Variants in SRRM4 observed in about 807,000 individuals in gnomAD.
SRRM4 encodes serine/arginine repetitive matrix 4, also known as serine/arginine repetitive matrix protein 4.
In SRRM4, 33 loss-of-function variants were observed where a neutral mutation model predicts 68.9. That is an observed-to-expected ratio of 0.48 (90% CI 0.36 to 0.64). The LOEUF (loss-of-function observed/expected upper bound fraction) is 0.64, where lower values mean the gene tolerates loss of function less well. SRRM4 is among the 30% of genes least tolerant of loss of function. The pLI, the probability that SRRM4 is intolerant of heterozygous loss-of-function variation, is 0.00. For synonymous variants in SRRM4, 318 were observed against 318.8 expected, an observed-to-expected ratio of 1.00 and a Z score of 0.03; for missense variants, 817 against 827.1, an observed-to-expected ratio of 0.99 and a Z score of 0.15.
chr12:119,030,243 G>C (rs976521044), intron 1 of SRRM4, among the ~76,000 whole-genome samples: 2 of 152,204 alleles, frequency 1.3e-5, no homozygotes, highest in African/African-American at 4.8e-5. Flanking sequence ...AAAGAACCAA[G>C]GGTATGACAC....
rs138721154 is a variant in SRRM4 at position 119,059,982 on chromosome 12, A to G, written c.132-42254A>G. On this transcript the variant is annotated intron_variant, in intron 1 of 12. Transcript: ENST00000267260. Reference sequence around the variant, plus strand: ...CCAGTTCTCTGCTTCATGTCAATCCAATCTTCTGTATGCTGAGGAACCATG... The same window carrying G: ...CCAGTTCTCTGCTTCATGTCAATCCGATCTTCTGTATGCTGAGGAACCATG... Among the ~76,000 whole-genome samples, 13 of 152,200 alleles carry G rather than the reference A, an allele frequency of 8.5e-5. No homozygotes were observed. In the East Asian group the frequency reaches 2.5e-3, roughly 29 times the overall value.
chr12:119,045,909 GCAC>G (rs1219533040), intron 1 of SRRM4, among the ~76,000 whole-genome samples: 2 of 152,002 alleles, frequency 1.3e-5, no homozygotes, highest in Non-Finnish European at 2.9e-5. Flanking sequence ...GTGGTGGTGT[GCAC>G]CTGTAGTCCC....
intron 1 of SRRM4, among the ~76,000 whole-genome samples, chr12:119,084,797 G>A (rs1179448022): frequency 2.0e-5 from 3 of 152,182 alleles, no homozygotes; most frequent in African/African-American, 7.2e-5. Flanking sequence ...AGTCAGGGGA[G>A]GCTTCCTGAA....
At position 119,161,922 on chromosome 12, in the gene SRRM4, T is replaced by C. The variant is rs1954516645; in HGVS notation, c.*5124T>C. The C allele has an allele frequency of 6.6e-6, 1 of 152,182 alleles. No individual in the cohort carries two copies. Among genetic ancestry groups the C allele is most frequent in the Non-Finnish European group, 1.5e-5 (1 of 67,988 alleles). 9.4% of individuals were successfully genotyped at this position (152,182 alleles called of 1,614,324 possible). ...AAAGAAAAATTGTAAACTCTTTTTT[T>C]TTTCTGGCCAAGGAAAGCTATGCCT... On this transcript the variant is annotated 3_prime_UTR_variant, in exon 13 of 13. Coordinates refer to ENST00000267260, the MANE Select transcript of SRRM4 (RefSeq NM_194286.4).
At chr12:119,122,406 G>T (rs1427549286) in intron 6 of SRRM4, among the ~76,000 whole-genome samples, 1 of 152,104 alleles carries the variant, frequency 6.6e-6, no homozygotes, top group Admixed American at 6.5e-5. Context: ...AATGCACCGG[G>T]TCGTGTGTAT....
At chr12:119,033,662 CA>C (rs34508021) in intron 1 of SRRM4, among the ~76,000 whole-genome samples, 39,207 of 139,514 alleles carry the variant, frequency 0.28, 5,612 homozygotes, top group Middle Eastern at 0.47. Flanking sequence ...GACTCCATCT[CA>C]AAAAAAAAAA....
At chr12:119,114,019 G>T (rs1287080108) in intron 2 of SRRM4, 2 of 291,612 alleles carry the variant, frequency 6.9e-6, no homozygotes, top group African/African-American at 4.2e-5. Flanking sequence ...TTTAGGAGTA[G>T]TTAACCTCTA....
Position 119,154,261 on chromosome 12 carries a change from C to A in SRRM4, c.1410C>A (p.Tyr470Ter). ...CCTTCAGGGAGCGGGATCCCAAATA[C>A]AGTGAGAAGGACTCGCAGCAGCGGG... The part of the protein sequence containing the change: ...YSPSRERDPK[Y>*]SEKDSQQRER... The change falls in exon 12 of 13, where the codon TAC becomes TAA. Residue 470 changes from tyrosine (Y) to a stop codon, truncating the protein, a stop_gained. Transcript: ENST00000267260. LOFTEE classifies it high-confidence loss of function. The surrounding 1 kb of genome is among the most constrained non-coding windows in gnomAD (Gnocchi z 4.7). 6.2e-7 allele frequency: 1 copy of A among 1,608,220 alleles called. No individual in the cohort carries two copies. Among genetic ancestry groups the A allele is most frequent in the Non-Finnish European group, 8.5e-7 (1 of 1,177,314 alleles).
At chr12:119,074,919 C>G (rs1041843417) in intron 1 of SRRM4, among the ~76,000 whole-genome samples, 2 of 152,192 alleles carry the variant, frequency 1.3e-5, no homozygotes, top group African/African-American at 4.8e-5. Flanking sequence ...TGTGCCTCAC[C>G]TTTCTTGGTG....
intron 1 of SRRM4, among the ~76,000 whole-genome samples, chr12:119,079,851 C>T (rs2136030732): frequency 6.6e-6 from 1 of 151,368 alleles, no homozygotes; most frequent in Non-Finnish European, 1.5e-5. Context: ...CCTCTCATTT[C>T]AGATATACAA....
intron 1 of SRRM4, among the ~76,000 whole-genome samples, chr12:119,032,020 T>G (rs1286397890): frequency 3.3e-5 from 5 of 152,242 alleles, no homozygotes; most frequent in Non-Finnish European, 7.3e-5. Flanking sequence ...TTAGATAGAT[T>G]ACTATCTAAA....
chr12:119,141,783 G>A (rs1487187818), intron 8 of SRRM4, among the ~76,000 whole-genome samples: 5 of 152,160 alleles, frequency 3.3e-5, no homozygotes, highest in Admixed American at 6.5e-5. Context: ...TCAGAGAGAC[G>A]GCCAATAAAA....
chr12:119,022,735 G>T (rs1184556969), intron 1 of SRRM4, among the ~76,000 whole-genome samples: 3 of 152,204 alleles, frequency 2.0e-5, no homozygotes, highest in Non-Finnish European at 4.4e-5. Flanking sequence ...GAGGCCCAGA[G>T]AACCTTTATC....
At chr12:119,117,429 C>G (rs1167249760) in intron 4 of SRRM4, among the ~76,000 whole-genome samples, 2 of 152,174 alleles carry the variant, frequency 1.3e-5, no homozygotes, top group Non-Finnish European at 2.9e-5. Flanking sequence ...GTTCCTTATT[C>G]CAAATTCCCA....
intron 1 of SRRM4, among the ~76,000 whole-genome samples, chr12:119,075,431 A>G (rs1404162874): frequency 1.4e-5 from 1 of 71,704 alleles, no homozygotes; most frequent in African/African-American, 6.6e-5. Flanking sequence ...GACAGTAATG[A>G]TGATGATGGT....
intron 2 of SRRM4, among the ~76,000 whole-genome samples, chr12:119,111,974 A>T (rs11064665): frequency 3.2e-3 from 491 of 152,074 alleles, no homozygotes; most frequent in African/African-American, 0.011. Context: ...TGAACCCAGG[A>T]GATGGAGGTT....
At chr12:119,093,637 C>T (rs1478048280) in intron 1 of SRRM4, among the ~76,000 whole-genome samples, 2 of 152,196 alleles carry the variant, frequency 1.3e-5, no homozygotes, top group Non-Finnish European at 2.9e-5. Context: ...AGATGATATT[C>T]TTGCCCATGG....
intron 9 of SRRM4, among the ~76,000 whole-genome samples, 196 bp from the exon 10 acceptor site, chr12:119,150,821 C>G (rs189740614): frequency 2.0e-5 from 3 of 152,308 alleles, no homozygotes; most frequent in East Asian, 3.9e-4. Flanking sequence ...GAATTGTCTA[C>G]TTTTAAGGTA....
At chr12:118,983,572 C>T (rs1181029363) in intron 1 of SRRM4, among the ~76,000 whole-genome samples, 1 of 152,188 alleles carries the variant, frequency 6.6e-6, no homozygotes, top group Non-Finnish European at 1.5e-5. Context: ...AGGTGCTGCA[C>T]TGGCCAAAGA....
Sources: allele counts gnomAD v4.1 joint callset (sites outside exome capture counted in the v4.1 genomes callset), GRCh38; gene constraint gnomAD v4.1.1; non-coding constraint Gnocchi (gnomAD v3.1); transcripts MANE v1.5; gene names NCBI Gene and HGNC (gene_info 2026-07-23, HGNC 2026-07-21).